Variants in MICB observed in about 807,000 individuals in gnomAD.
MICB encodes MHC class I antigen-related protein B.
MICB carries 27 observed loss-of-function variants against 34.3 expected under a neutral mutation model. The ratio of observed to expected loss-of-function variants is 0.79; its 90% CI spans 0.58 to 1.08. The LOEUF (loss-of-function observed/expected upper bound fraction) is 1.08. Ranked by LOEUF, MICB falls within the 50% of genes least tolerant of loss-of-function variation. MICB has a pLI of 0.00. For missense variants in MICB, 426 were observed against 483.1 expected, an observed-to-expected ratio of 0.88 and a Z score of 1.11; for synonymous variants, 153 against 187.4, an observed-to-expected ratio of 0.82 and a Z score of 1.50.
chr6:31,506,968 G>T lies in MICB; in HGVS notation c.614-54G>T. Reference sequence around the variant, plus strand: ...GTGGAGAGGAGCAGCCCTGTTCCCTGCATCTCCCTTAGAGGGGAGCAGGGC... The same window carrying T: ...GTGGAGAGGAGCAGCCCTGTTCCCTTCATCTCCCTTAGAGGGGAGCAGGGC... On this transcript the variant is annotated intron_variant, in intron 3 of 5. Transcript: ENST00000252229. 3 of 1,577,752 alleles carry T rather than the reference G, an allele frequency of 1.9e-6. No homozygotes were observed. The Admixed American group carries it at 5.2e-5, about 27-fold the overall frequency.
chr6:31,498,776 CT>C, intron 1 of MICB: 1 of 158,764 alleles, frequency 6.3e-6, no homozygotes. Flanking sequence ...CTCCTGTCTC[CT>C]TTCAGTCCTC....
rs775715352 is a variant in MICB at position 31,507,394 on chromosome 6, T to A, written c.893-6T>A. 1.2e-6 allele frequency: 2 copies of A among 1,614,076 alleles called. No homozygotes were observed. Among genetic ancestry groups the A allele is most frequent in the Non-Finnish European group, 1.7e-6 (2 of 1,180,020 alleles). On this transcript the variant is annotated splice_polypyrimidine_tract_variant and splice_region_variant and intron_variant, in intron 4 of 5. Coordinates refer to ENST00000252229, the MANE Select transcript of MICB (RefSeq NM_005931.5). The surrounding 1 kb of genome is among the most constrained non-coding windows in gnomAD (Gnocchi z 6.0). ...GCCCAGTGTATAACAAGTCCCTTTT[T>A]TTCAGGGAAGGCGCTGGTGCTTCAG...
At position 31,505,794 on chromosome 6, in the gene MICB, A is replaced by G; in HGVS notation, c.248A>G (p.Asp83Gly). 6.2e-7 allele frequency: 1 copy of G among 1,613,280 alleles called. No individual in the cohort carries two copies. The highest frequency in any genetic ancestry group is 8.5e-7 in the Non-Finnish European group (1 of 1,180,020). ...AENVLGAKTW[D>G]TETEDLTENG... ...AATGTCCTGGGAGCTAAGACCTGGGACACAGAGACCGAGGACTTGACAGAG... is the reference window on the plus strand; with the variant it reads ...AATGTCCTGGGAGCTAAGACCTGGGGCACAGAGACCGAGGACTTGACAGAG... Residue 83 changes from aspartate to glycine, a missense_variant, in exon 2 of 6, where the codon GAC becomes GGC. Transcript: ENST00000252229.
upstream of MICB, among the ~76,000 whole-genome samples, chr6:31,496,291 A>C (rs1764651147): frequency 1.3e-5 from 2 of 152,148 alleles, no homozygotes; most frequent in Admixed American, 1.3e-4. Flanking sequence ...TGTACAGATC[A>C]GTGGCTTCTA....
Position 31,505,714 on chromosome 6 carries a change from C to G in MICB, c.168C>G (p.Phe56Leu), listed in dbSNP as rs756486317. 1.9e-6 allele frequency: 3 copies of G among 1,613,110 alleles called. No individual in the cohort carries two copies. The highest frequency in any genetic ancestry group is 2.5e-6 in the Non-Finnish European group (3 of 1,180,042). ...LAEGHLDGQP[F>L]LRYDRQKRRA... is the part of the protein sequence containing the mutation. ...AGGGACATCTGGATGGTCAGCCCTT[C>G]CTGCGCTATGACAGGCAGAAACGCA... Residue 56 changes from phenylalanine (F) to leucine (L), a missense_variant, in exon 2 of 6, where the codon TTC becomes TTG. Physicochemically the swap from Phe to Leu is conservative, Grantham distance 22. Coordinates refer to ENST00000252229, the MANE Select transcript of MICB (RefSeq NM_005931.5).
chr6:31,503,210 T>C (rs1404555352), intron 1 of MICB, among the ~76,000 whole-genome samples: 2 of 152,256 alleles, frequency 1.3e-5, no homozygotes, highest in Non-Finnish European at 2.9e-5. Flanking sequence ...TGTCTTTGCC[T>C]GATTTTGATA....
chr6:31,500,047 C>T (rs563387020), intron 1 of MICB, among the ~76,000 whole-genome samples: 39 of 152,006 alleles, frequency 2.6e-4, no homozygotes, highest in Non-Finnish European at 5.0e-4. Context: ...CTCCCCTCCC[C>T]AACCCAGACC....
intron 3 of MICB, 109 bp from the exon 4 acceptor site, chr6:31,506,913 T>C (rs1415533044): frequency 1.1e-5 from 16 of 1,511,034 alleles, no homozygotes; most frequent in Non-Finnish European, 1.4e-5. Context: ...AGGTCCGGTA[T>C]CTGTGAGGGA....
chr6:31,505,868 G>T lies in MICB; in HGVS notation c.322G>T (p.Gly108Ter). 6.2e-7 allele frequency: 1 copy of T among 1,603,198 alleles called. No individual in the cohort carries two copies. Among genetic ancestry groups the T allele is most frequent in the Admixed American group, 1.7e-5 (1 of 58,242 alleles). ...RTLTHIKDQK[G>*]GLHSLQEIRV... Reference sequence around the variant, plus strand: ...CCTGACTCATATCAAGGACCAGAAAGGAGGTGAGAGTCGGCAGGGGCAAGA... The same window carrying T: ...CCTGACTCATATCAAGGACCAGAAATGAGGTGAGAGTCGGCAGGGGCAAGA... The change falls in exon 2 of 6, where the codon GGA becomes TGA. Residue 108 changes from glycine (G) to a stop codon, truncating the protein, a stop_gained. Transcript: ENST00000252229. LOFTEE classifies it high-confidence loss of function.
At chr6:31,502,726 C>T (rs1445387936) in intron 1 of MICB, among the ~76,000 whole-genome samples, 1 of 152,150 alleles carries the variant, frequency 6.6e-6, no homozygotes, top group Non-Finnish European at 1.5e-5. Context: ...AATTTTGATG[C>T]CCTTTATTTC....
chr6:31,496,401 C>T (rs1764665237), upstream of MICB, among the ~76,000 whole-genome samples: 1 of 128,798 alleles, frequency 7.8e-6, no homozygotes, highest in African/African-American at 2.9e-5. Flanking sequence ...GAGCCTTGCT[C>T]TGTTGCCCAG....
intron 1 of MICB, among the ~76,000 whole-genome samples, chr6:31,499,427 T>C (rs1232557592): frequency 1.3e-5 from 2 of 150,750 alleles, no homozygotes; most frequent in Non-Finnish European, 3.0e-5. Context: ...CCCCCGCCAC[T>C]GAAGGTCCCT....
chr6:31,505,898 T>C (rs2150289935), intron 2 of MICB, 27 bp downstream of exon 2: 1 of 1,568,544 alleles, frequency 6.4e-7, no homozygotes, highest in Non-Finnish European at 8.6e-7. Flanking sequence ...GCAAGAGTAA[T>C]GGGAGGCCTT....
At chr6:31,497,598 T>G (rs2150275316), upstream of MICB, among the ~76,000 whole-genome samples, 1 of 152,296 alleles carries the variant, frequency 6.6e-6, no homozygotes, top group African/African-American at 2.4e-5. Context: ...TGAGCGTTTC[T>G]ACTGGGGCAA....
rs1420824872 is a variant in MICB, at chr6:31,509,784, C to T, written c.1027C>T (p.Leu343Phe). 2.0e-5 allele frequency: 33 copies of T among 1,610,122 alleles called. No homozygotes were observed. The highest frequency in any genetic ancestry group is 2.7e-5 in the Non-Finnish European group (32 of 1,177,886). Residue 343 changes from leucine (L) to phenylalanine (F), a missense_variant and splice_region_variant, in exon 6 of 6, where the codon CTT becomes TTT. Leu to Phe is a conservative substitution (Grantham distance 22). Coordinates refer to ENST00000252229, the MANE Select transcript of MICB (RefSeq NM_005931.5). ...TTACCCGTTTCCCTCTTCTCCAGAG[C>T]TTGTGAGCCTGCAGGTCCTGGATCA... ...KKTSAAEGPE[L>F]VSLQVLDQHP...
upstream of MICB, chr6:31,498,053 C>T: frequency 4.2e-6 from 2 of 477,348 alleles, no homozygotes; most frequent in Middle Eastern, 3.4e-4. Context: ...TCATGATTGG[C>T]CCTAAGTTCC....
chr6:31,505,422 C>T (rs1221077370), intron 1 of MICB, among the ~76,000 whole-genome samples, 195 bp from the exon 2 acceptor site: 1 of 152,008 alleles, frequency 6.6e-6, no homozygotes, highest in Non-Finnish European at 1.5e-5. Flanking sequence ...ATTCCCCCTT[C>T]TTCTGTTCAT....
chr6:31,503,092 G>T (rs143885031), intron 1 of MICB, among the ~76,000 whole-genome samples: 3 of 152,294 alleles, frequency 2.0e-5, no homozygotes, highest in African/African-American at 4.8e-5. Context: ...TGGTCATGAA[G>T]AATGATCTTT....
At chr6:31,500,768 G>A (rs1764975165) in intron 1 of MICB, among the ~76,000 whole-genome samples, 1 of 152,172 alleles carries the variant, frequency 6.6e-6, no homozygotes, top group South Asian at 2.1e-4. Context: ...CAAATGACAT[G>A]ATGGCTGAAT....
Sources: gnomAD v4.1 joint callset for allele counts (sites outside exome capture counted in the v4.1 genomes callset) on GRCh38, gnomAD v4.1.1 for gene constraint, Gnocchi (gnomAD v3.1) non-coding constraint, MANE v1.5 for transcripts, NCBI Gene and HGNC (gene_info 2026-07-23, HGNC 2026-07-21) for gene names.